Variants in PCDHGA12 observed in about 807,000 individuals in gnomAD.
The protein encoded by PCDHGA12 is protocadherin gamma-A12.
PCDHGA12 carries 43 observed loss-of-function variants against 61.1 expected under a neutral mutation model. That is an observed-to-expected ratio of 0.70 (90% CI 0.55 to 0.91). The LOEUF is 0.91. PCDHGA12 is among the 40% of genes least tolerant of loss of function. PCDHGA12 has a pLI of 0.00. For missense variants in PCDHGA12, 1,236 were observed against 1,227.7 expected (o/e 1.01, Z -0.10); for synonymous variants, 520 against 542.9 (o/e 0.96, Z 0.59).
chr5:141,505,614 A>G (rs2154593732), intron 3 of PCDHGA12, 133 bp downstream of exon 3: 1 of 1,510,758 alleles, frequency 6.6e-7, no homozygotes, highest in Non-Finnish European at 8.9e-7. Context: ...GTCTGAAAGG[A>G]CCCACAATTC....
rs1449032006 is a variant in PCDHGA12 at position 141,438,617 on chromosome 5, TATATATATATATATATATAC to T, written c.2424+5436_2424+5455del. 2.9e-3 allele frequency among the ~76,000 whole-genome samples: 107 copies of T among 37,156 alleles called. 1 individual carries two copies. Among genetic ancestry groups the T allele is most frequent in the South Asian group, 0.015 (15 of 996 alleles). 24.4% of individuals were successfully genotyped at this position (37,156 alleles called of 152,430 possible). On this transcript the variant is annotated intron_variant, in intron 1 of 3. Transcript: ENST00000252085. Reference sequence around the variant, plus strand: ...ATATATATATATATATATATATATATATATATATATATATATATACACACACACACACACATATATGTATA... The same window carrying T: ...ATATATATATATATATATATATATATACACACACACACACATATATGTATA...
At position 141,489,505 on chromosome 5, in the gene PCDHGA12, A is replaced by G. The variant is rs1198371307; in HGVS notation, c.2425-5302A>G. On this transcript the variant is annotated intron_variant, in intron 1 of 3. Transcript: ENST00000252085. The surrounding 1 kb of genome is among the most constrained non-coding windows in gnomAD (Gnocchi z 4.5). ...GAGTGGTGCCCTGGCAGTGAATCAA[A>G]AGATTGACCGAGAAAGCCTATGTGG... The G allele has an allele frequency of 1.9e-6, 3 of 1,613,972 alleles. No homozygotes were observed. The Admixed American group carries it at 5.0e-5, about 27-fold the overall frequency.
intron 3 of PCDHGA12, among the ~76,000 whole-genome samples, chr5:141,510,556 T>TA (rs2099881668): frequency 6.6e-6 from 1 of 152,178 alleles, no homozygotes; most frequent in African/African-American, 2.4e-5. Flanking sequence ...TTTGAGCACT[T>TA]ACATCTACCA....
intron 1 of PCDHGA12, among the ~76,000 whole-genome samples, chr5:141,454,796 ATTTTTTTTT>A (rs61612330): frequency 1.2e-4 from 9 of 77,408 alleles, no homozygotes; most frequent in Admixed American, 5.4e-4. Context: ...CATGGTTCTA[ATTTTTTTTT>A]TTTTTTTTTT....
In PCDHGA12 at chr5:141,476,303, G is replaced by T. The variant is rs747567754; in HGVS notation, c.2425-18504G>T. ...TGGTTTGGATCTCGGTAGCCTCTCA[G>T]CCCGCAGGTTCCGGGTGGTGTCTGG... is the stretch of plus-strand genomic sequence containing the variant. On this transcript the variant is annotated intron_variant, in intron 1 of 3. Coordinates refer to ENST00000252085, the MANE Select transcript of PCDHGA12 (RefSeq NM_003735.3). The surrounding 1 kb of genome is among the most constrained non-coding windows in gnomAD (Gnocchi z 7.6). 6.2e-7 allele frequency: 1 copy of T among 1,613,872 alleles called. No individual in the cohort carries two copies. Among genetic ancestry groups the T allele is most frequent in the Admixed American group, 1.7e-5 (1 of 60,000 alleles).
In PCDHGA12 at chr5:141,485,870, C is replaced by A. The variant is rs745737454; in HGVS notation, c.2425-8937C>A. On this transcript the variant is annotated intron_variant, in intron 1 of 3. Coordinates refer to ENST00000252085, the MANE Select transcript of PCDHGA12 (RefSeq NM_003735.3). The surrounding 1 kb of genome is among the most constrained non-coding windows in gnomAD (Gnocchi z 5.7). ...CACCGCAGAGCTCCGGGTATCCGTGCTGGACGTAAACGACAACGCCCCAGC... is the reference window on the plus strand; with the variant it reads ...CACCGCAGAGCTCCGGGTATCCGTGATGGACGTAAACGACAACGCCCCAGC... 1 of 1,614,174 alleles carries A rather than the reference C, an allele frequency of 6.2e-7. No homozygotes were observed. Among genetic ancestry groups the A allele is most frequent in the Non-Finnish European group, 8.5e-7 (1 of 1,180,032 alleles).
In PCDHGA12 at chr5:141,477,880, C is replaced by T. The variant is rs763789849; in HGVS notation, c.2425-16927C>T. 10 of 1,614,058 alleles carry T rather than the reference C, an allele frequency of 6.2e-6. No homozygotes were observed. The African/African-American group carries it at 1.2e-4, about 19-fold the overall frequency. ...TGCCTCGAGGTACCTCAGCTGGCCA[C>T]CTAGTGTCACGGGTGGTAGGCTGGG... is the stretch of plus-strand genomic sequence containing the variant. On this transcript the variant is annotated intron_variant, in intron 1 of 3. Transcript: ENST00000252085. The surrounding 1 kb of genome is among the most constrained non-coding windows in gnomAD (Gnocchi z 4.9).
At position 141,491,828 on chromosome 5, in the gene PCDHGA12, G is replaced by C. The variant is rs1389234164; in HGVS notation, c.2425-2979G>C. ...CTTGGTCGCTGGCTGCGCTCCACCC[G>C]ATTCTCGGGATCATTGGACCGTTTG... On this transcript the variant is annotated intron_variant, in intron 1 of 3. Coordinates refer to ENST00000252085, the MANE Select transcript of PCDHGA12 (RefSeq NM_003735.3). The surrounding 1 kb of genome is among the most constrained non-coding windows in gnomAD (Gnocchi z 6.9). 4.1e-6 allele frequency: 6 copies of C among 1,475,668 alleles called. No homozygotes were observed. The highest frequency in any genetic ancestry group is 5.4e-6 in the Non-Finnish European group (6 of 1,113,522). 91.4% of individuals were successfully genotyped at this position (1,475,668 alleles called of 1,614,324 possible).
In PCDHGA12 at chr5:141,489,948, T is replaced by C; in HGVS notation, c.2425-4859T>C. 2 of 1,614,210 alleles carry C rather than the reference T, an allele frequency of 1.2e-6. No individual in the cohort carries two copies. Among genetic ancestry groups the C allele is most frequent in the Non-Finnish European group, 1.7e-6 (2 of 1,180,030 alleles). On this transcript the variant is annotated intron_variant, in intron 1 of 3. Coordinates refer to ENST00000252085, the MANE Select transcript of PCDHGA12 (RefSeq NM_003735.3). The surrounding 1 kb of genome is among the most constrained non-coding windows in gnomAD (Gnocchi z 4.5). ...TCTCTGTCATCGTGCTGGACATCAA[T>C]GATAATGCTCCAACCTTCCAATCCT...
At chr5:141,482,801 G>C (rs1230060558) in intron 1 of PCDHGA12, among the ~76,000 whole-genome samples, 1 of 152,176 alleles carries the variant, frequency 6.6e-6, no homozygotes, top group African/African-American at 2.4e-5. Flanking sequence ...GCCGGGTACG[G>C]TGGCTCATGC....
At position 141,502,499 on chromosome 5, in the gene PCDHGA12, C is replaced by T. The variant is rs552402476; in HGVS notation, c.2484-2894C>T. ...CATCACACTGGGACTCATCTAACGT[C>T]GGCCTGTCCCACTATCAGTGATGCC... On this transcript the variant is annotated intron_variant, in intron 2 of 3. Coordinates refer to ENST00000252085, the MANE Select transcript of PCDHGA12 (RefSeq NM_003735.3). Among the ~76,000 whole-genome samples, 24 of 152,240 alleles carry T rather than the reference C, an allele frequency of 1.6e-4. No homozygotes were observed. In the East Asian group the frequency reaches 4.1e-3, roughly 26 times the overall value.
chr5:141,478,017 T>C lies in PCDHGA12; in HGVS notation c.2425-16790T>C, dbSNP rs776415195. ...GGTCAAATCAGTACTGCCCGTCCAG[T>C]CCAAGACACAGATTCACCCAGGCAG... On this transcript the variant is annotated intron_variant, in intron 1 of 3. Transcript: ENST00000252085. 15 of 1,613,910 alleles carry C rather than the reference T, an allele frequency of 9.3e-6. No homozygotes were observed. In the African/African-American group the frequency reaches 1.9e-4, roughly 20 times the overall value.
chr5:141,452,791 C>T (rs1202677389), intron 1 of PCDHGA12, among the ~76,000 whole-genome samples: 2 of 152,156 alleles, frequency 1.3e-5, no homozygotes, highest in Non-Finnish European at 2.9e-5. Context: ...AACATACCAT[C>T]ATTTTTGCTG....
intron 1 of PCDHGA12, among the ~76,000 whole-genome samples, chr5:141,442,736 A>C (rs2098340663): frequency 6.6e-6 from 1 of 152,226 alleles, no homozygotes; most frequent in African/African-American, 2.4e-5. Flanking sequence ...CCTGTAGGTA[A>C]GGAGCATGTT....
chr5:141,501,162 C>T (rs922957843), intron 2 of PCDHGA12, among the ~76,000 whole-genome samples: 1 of 152,134 alleles, frequency 6.6e-6, no homozygotes, highest in Non-Finnish European at 1.5e-5. Context: ...CCACCATCCC[C>T]AGCCTCATTT....
chr5:141,432,476 A>G lies in PCDHGA12; in HGVS notation c.1717A>G (p.Thr573Ala). 1 of 1,614,080 alleles carries G rather than the reference A, an allele frequency of 6.2e-7. No homozygotes were observed. Among genetic ancestry groups the G allele is most frequent in the East Asian group, 2.2e-5 (1 of 44,874 alleles). ...CCCCGCCCTCCCCACGGACGGTTCCACTGGCGTGGAGCTGGCTCCCCGCTC... is the reference window on the plus strand; with the variant it reads ...CCCCGCCCTCCCCACGGACGGTTCCGCTGGCGTGGAGCTGGCTCCCCGCTC... ...LYPALPTDGS[T>A]GVELAPRSAE... The change falls in exon 1 of 4, where the codon ACT becomes GCT. Residue 573 changes from threonine (T) to alanine (A), a missense_variant. By Grantham distance (58) the Thr-to-Ala change is moderately conservative. Transcript: ENST00000252085. The surrounding 1 kb of genome is among the most constrained non-coding windows in gnomAD (Gnocchi z 6.0).
At position 141,491,796 on chromosome 5, in the gene PCDHGA12, C is replaced by T. The variant is rs1487915203; in HGVS notation, c.2425-3011C>T. The stretch of plus-strand genomic sequence containing the variant: ...GATTGAACTTGCATCCACTCCTCTC[C>T]GGCCGGCTTGGTCGCTGGCTGCGCT... On this transcript the variant is annotated intron_variant, in intron 1 of 3. Transcript: ENST00000252085. The surrounding 1 kb of genome is among the most constrained non-coding windows in gnomAD (Gnocchi z 6.9). 6.6e-7 allele frequency: 1 copy of T among 1,509,866 alleles called. No homozygotes were observed. The highest frequency in any genetic ancestry group is 2.4e-5 in the Admixed American group (1 of 42,218). The allele number at this position is 1,509,866 out of a possible 1,614,324, so 93.5% of individuals were successfully genotyped here. A position where few individuals can be genotyped will look rare whatever the true frequency, so the allele number is the denominator to read the frequency against.
chr5:141,476,697 C>T lies in PCDHGA12; in HGVS notation c.2425-18110C>T, dbSNP rs758302668. The T allele has an allele frequency of 2.5e-6, 4 of 1,614,110 alleles. No individual in the cohort carries two copies. The highest frequency in any genetic ancestry group is 2.2e-5 in the South Asian group (2 of 91,088). The stretch of plus-strand genomic sequence containing the variant: ...ACGCGGGAGGACAGCACCAAGTACG[C>T]GGAGCTGGTGTTGGAGCGCGCCCTG... On this transcript the variant is annotated intron_variant, in intron 1 of 3. Coordinates refer to ENST00000252085, the MANE Select transcript of PCDHGA12 (RefSeq NM_003735.3). The surrounding 1 kb of genome is among the most constrained non-coding windows in gnomAD (Gnocchi z 7.6).
chr5:141,443,251 C>T (rs200319609), intron 1 of PCDHGA12, among the ~76,000 whole-genome samples: 7 of 150,782 alleles, frequency 4.6e-5, no homozygotes, highest in East Asian at 3.9e-4. Flanking sequence ...GGCGCCAAGG[C>T]GGGTGGATCA....
Sources: allele counts gnomAD v4.1 joint callset (sites outside exome capture counted in the v4.1 genomes callset), GRCh38; gene constraint gnomAD v4.1.1; non-coding constraint Gnocchi (gnomAD v3.1); transcripts MANE v1.5; gene names NCBI Gene and HGNC (gene_info 2026-07-23, HGNC 2026-07-21).